The following DUSP14 variants were observed in gnomAD, a reference collection of about 807,000 sequenced individuals.
The protein encoded by DUSP14 is dual specificity phosphatase 14.
In DUSP14, 5 loss-of-function variants were observed where a neutral mutation model predicts 13.2. The ratio of observed to expected loss-of-function variants is 0.38; its 90% CI spans 0.20 to 0.80. DUSP14 has a LOEUF of 0.80. Ranked by LOEUF, DUSP14 falls within the 30% of genes least tolerant of loss-of-function variation. The probability of loss-of-function intolerance (pLI) is 0.44; values close to 1 mark genes in which losing one functional copy is unlikely to be tolerated. For synonymous variants in DUSP14, 91 were observed against 103.4 expected, an observed-to-expected ratio of 0.88 and a Z score of 0.73; for missense variants, 185 against 264.0, an observed-to-expected ratio of 0.70 and a Z score of 2.07.
intron 1 of DUSP14, among the ~76,000 whole-genome samples, chr17:37,501,015 T>C (rs569005712): frequency 6.6e-6 from 1 of 150,858 alleles, no homozygotes; most frequent in South Asian, 2.1e-4. Flanking sequence ...ATTGTATGAC[T>C]GAGCCACAAA....
rs2054206282 is a variant in DUSP14 at position 37,513,089 on chromosome 17, T to G, written c.*220T>G. On this transcript the variant is annotated 3_prime_UTR_variant, in exon 3 of 3. Transcript: ENST00000617516. ...TTTTAAAATTAACATTTTGGAATAG[T>G]GTTTATGGAAATCTTTAGCTTTTAA... 1 of 548,296 alleles carries G rather than the reference T, an allele frequency of 1.8e-6. No homozygotes were observed. The highest frequency in any genetic ancestry group is 3.3e-6 in the Non-Finnish European group (1 of 304,082). 34.0% of individuals were successfully genotyped at this position (548,296 alleles called of 1,614,324 possible). A position where few individuals can be genotyped will look rare whatever the true frequency, so the allele number is the denominator to read the frequency against.
chr17:37,498,711 G>A (rs2054085683), intron 1 of DUSP14, among the ~76,000 whole-genome samples: 1 of 150,568 alleles, frequency 6.6e-6, no homozygotes, highest in Non-Finnish European at 1.5e-5. Flanking sequence ...CACTTACGGA[G>A]TTTCTTATTC....
chr17:37,494,957 GA>G (rs2054053962), intron 1 of DUSP14, among the ~76,000 whole-genome samples: 1 of 152,124 alleles, frequency 6.6e-6, no homozygotes, highest in Non-Finnish European at 1.5e-5. Context: ...TTATAGTAAA[GA>G]TTTTTTTTCA....
intron 1 of DUSP14, among the ~76,000 whole-genome samples, chr17:37,494,591 G>A (rs980348999): frequency 6.6e-6 from 1 of 152,168 alleles, no homozygotes. Flanking sequence ...TGAAGTGTGT[G>A]TGTGAGAGAG....
At chr17:37,491,819 T>A (rs191625496) in intron 1 of DUSP14, among the ~76,000 whole-genome samples, 5 of 152,330 alleles carry the variant, frequency 3.3e-5, no homozygotes, top group African/African-American at 1.2e-4. Flanking sequence ...TAAAAATGCT[T>A]TTCCCAAAAT....
In DUSP14 at chr17:37,509,135, A is replaced by ATATGTATATATATATATG. The variant is rs1568204456; in HGVS notation, c.-180-1542_-180-1541insTATGTATATATATATATG. The stretch of plus-strand genomic sequence containing the variant: ...TATATATATATATATATATACACAC[A>ATATGTATATATATATATG]CACACACACACACACACACACACAC... On this transcript the variant is annotated intron_variant, in intron 1 of 2. Transcript: ENST00000617516. Among the ~76,000 whole-genome samples, 11 of 38,954 alleles carry ATATGTATATATATATATG rather than the reference A, an allele frequency of 2.8e-4. 2 individuals are homozygous for ATATGTATATATATATATG. Among genetic ancestry groups the ATATGTATATATATATATG allele is most frequent in the African/African-American group, 1.6e-3 (10 of 6,218 alleles). The allele number at this position is 38,954 out of a possible 152,430, so 25.6% of individuals were successfully genotyped here. A position where few individuals can be genotyped will look rare whatever the true frequency, so the allele number is the denominator to read the frequency against.
At chr17:37,501,208 C>T (rs1485823029) in intron 1 of DUSP14, among the ~76,000 whole-genome samples, 1 of 152,188 alleles carries the variant, frequency 6.6e-6, no homozygotes. Flanking sequence ...GATGCCCGAA[C>T]GTGCTGCCAC....
chr17:37,510,261 G>T (rs141579021), intron 1 of DUSP14: 1 of 152,346 alleles, frequency 6.6e-6, no homozygotes, highest in South Asian at 2.1e-4. Context: ...TGGCCTGTCC[G>T]TCCTCCCACC....
At chr17:37,495,006 C>T (rs764368819) in intron 1 of DUSP14, among the ~76,000 whole-genome samples, 3 of 151,934 alleles carry the variant, frequency 2.0e-5, no homozygotes, top group Non-Finnish European at 2.9e-5. Context: ...AAACCACATG[C>T]GGATAAATTA....
intron 1 of DUSP14, among the ~76,000 whole-genome samples, chr17:37,505,775 CA>C (rs2054133892): frequency 1.3e-5 from 2 of 151,800 alleles, no homozygotes; most frequent in African/African-American, 4.8e-5. Context: ...CAGTGCTGAC[CA>C]CAAGGCTACA....
intron 1 of DUSP14, among the ~76,000 whole-genome samples, chr17:37,507,980 G>A (rs2054148775): frequency 6.6e-6 from 1 of 152,244 alleles, no homozygotes; most frequent in Non-Finnish European, 1.5e-5. Context: ...CCTGTTCATA[G>A]TTTACATCCA....
At chr17:37,509,154 CACACACACACACACTCTA>C (rs1342405671) in intron 1 of DUSP14, among the ~76,000 whole-genome samples, 3 of 57,796 alleles carry the variant, frequency 5.2e-5, no homozygotes, top group Admixed American at 2.3e-4. Flanking sequence ...CACACACACA[CACACACACACACACTCTA>C]TATATATATG....
At chr17:37,509,296 T>TAG in intron 1 of DUSP14, among the ~76,000 whole-genome samples, 1 of 24,606 alleles carries the variant, frequency 4.1e-5, no homozygotes, top group South Asian at 1.6e-3. Flanking sequence ...TATATATATA[T>TAG]AGTGTGTGTG....
intron 1 of DUSP14, among the ~76,000 whole-genome samples, chr17:37,501,191 T>C (rs1177223224): frequency 2.0e-5 from 3 of 152,224 alleles, no homozygotes. Context: ...GTGGCTTATG[T>C]GGGACAGATG....
In DUSP14 at chr17:37,512,910, A is replaced by G. The variant is rs1349166211; in HGVS notation, c.*41A>G. On this transcript the variant is annotated 3_prime_UTR_variant, in exon 3 of 3. Transcript: ENST00000617516. The surrounding 1 kb of genome is among the most constrained non-coding windows in gnomAD (Gnocchi z 4.8). ...CGTCAGCAGCCCGAGCGGGGCCGGC[A>G]TCTGCTCCCCGCCGTCTGCTCCCTC... The G allele has an allele frequency of 2.0e-6, 3 of 1,524,968 alleles. No homozygotes were observed. Among genetic ancestry groups the G allele is most frequent in the Non-Finnish European group, 9.0e-7 (1 of 1,114,856 alleles). The allele number at this position is 1,524,968 out of a possible 1,614,324, so 94.5% of individuals were successfully genotyped here.
chr17:37,498,353 G>A (rs1178267434), intron 1 of DUSP14, among the ~76,000 whole-genome samples: 3 of 108,554 alleles, frequency 2.8e-5, no homozygotes, highest in Non-Finnish European at 5.0e-5. Context: ...TTGAGACAGA[G>A]TCTCGCTCTG....
At chr17:37,494,062 C>T (rs905550979) in intron 1 of DUSP14, among the ~76,000 whole-genome samples, 4 of 150,298 alleles carry the variant, frequency 2.7e-5, no homozygotes, top group Admixed American at 6.6e-5. Context: ...GGCGCGATCT[C>T]GGCTCACTGC....
At chr17:37,511,938 C>CGGTTTTTTTTTTTTTTTT (rs1568206074) in intron 2 of DUSP14, among the ~76,000 whole-genome samples, 1 of 38,254 alleles carries the variant, frequency 2.6e-5, no homozygotes. Flanking sequence ...CCCCACCCCA[C>CGGTTTTTTTTTTTTTTTT]TTTTTTTTTT....
At chr17:37,507,514 G>A (rs952931879) in intron 1 of DUSP14, among the ~76,000 whole-genome samples, 5 of 152,292 alleles carry the variant, frequency 3.3e-5, no homozygotes, top group Admixed American at 1.3e-4. Context: ...GTGCAATGGC[G>A]CGATCTCAGC....
Sources: allele counts gnomAD v4.1 joint callset (sites outside exome capture counted in the v4.1 genomes callset), GRCh38; gene constraint gnomAD v4.1.1; non-coding constraint Gnocchi (gnomAD v3.1); transcripts MANE v1.5; gene names NCBI Gene and HGNC (gene_info 2026-07-23, HGNC 2026-07-21).